STK32B: variants seen among roughly 807,000 people sequenced by gnomAD.
The protein encoded by STK32B is serine/threonine-protein kinase 32B.
A neutral mutation model predicts 52.6 loss-of-function variants in STK32B; 43 were observed. That is an observed-to-expected ratio of 0.82 (90% CI 0.64 to 1.05). The LOEUF (loss-of-function observed/expected upper bound fraction) is 1.05, where lower values mean the gene tolerates loss of function less well. Ranked by LOEUF, STK32B falls within the 50% of genes least tolerant of loss-of-function variation. STK32B has a pLI of 0.00. For synonymous variants in STK32B, 238 were observed against 204.3 expected, an observed-to-expected ratio of 1.17 and a Z score of -1.41; for missense variants, 621 against 534.6, an observed-to-expected ratio of 1.16 and a Z score of -1.59.
At chr4:5,253,041 A>T (rs1308541614) in intron 3 of STK32B, among the ~76,000 whole-genome samples, 2 of 152,106 alleles carry the variant, frequency 1.3e-5, no homozygotes, top group East Asian at 3.9e-4. Flanking sequence ...GCCCCAAAAG[A>T]TCTATTAAAA....
chr4:5,372,723 G>A (rs112509438), intron 4 of STK32B, among the ~76,000 whole-genome samples: 1,698 of 150,222 alleles, frequency 0.011, 23 homozygotes, highest in African/African-American at 0.014. Flanking sequence ...AGAAAGTTGG[G>A]GGGGGGGGCG....
At chr4:5,237,622 T>G (rs1452182659) in intron 3 of STK32B, among the ~76,000 whole-genome samples, 1 of 152,198 alleles carries the variant, frequency 6.6e-6, no homozygotes, top group Non-Finnish European at 1.5e-5. Flanking sequence ...AATGGAAATC[T>G]GTGCAGGAAA....
intron 1 of STK32B, among the ~76,000 whole-genome samples, chr4:5,076,496 A>G (rs973728840): frequency 6.6e-6 from 1 of 152,180 alleles, no homozygotes; most frequent in African/African-American, 2.4e-5. Flanking sequence ...ATTACTAGAC[A>G]AAAGCATAGG....
At chr4:5,149,526 T>C (rs534549648) in intron 2 of STK32B, among the ~76,000 whole-genome samples, 1 of 152,008 alleles carries the variant, frequency 6.6e-6, no homozygotes, top group South Asian at 2.1e-4. Context: ...CTCTAAAGGA[T>C]TATACTATAC....
At chr4:5,495,246 C>G (rs1313646346) in intron 11 of STK32B, among the ~76,000 whole-genome samples, 2 of 152,134 alleles carry the variant, frequency 1.3e-5, no homozygotes, top group African/African-American at 4.8e-5. Flanking sequence ...TTCACATAGT[C>G]CCATATTTCT....
At chr4:5,127,335 C>G (rs1203170061) in intron 1 of STK32B, among the ~76,000 whole-genome samples, 2 of 152,126 alleles carry the variant, frequency 1.3e-5, no homozygotes, top group African/African-American at 4.8e-5. Context: ...GTGTGAGGGT[C>G]TGATAACCAG....
chr4:5,050,817 C>T (rs182199030), upstream of STK32B, among the ~76,000 whole-genome samples: 775 of 152,282 alleles, frequency 5.1e-3, 14 homozygotes, highest in Non-Finnish European at 4.0e-3. Flanking sequence ...GCTCCCGCCG[C>T]AGGAGCCCAG....
At chr4:5,166,346 G>A (rs1396713934) in intron 2 of STK32B, among the ~76,000 whole-genome samples, 1 of 151,472 alleles carries the variant, frequency 6.6e-6, no homozygotes, top group Admixed American at 6.6e-5. Context: ...CTGTGAAGCG[G>A]GGATAGTAAT....
rs986109196 is a variant in STK32B at position 5,399,533 on chromosome 4, C to A, written c.472+1289C>A. 6.6e-6 allele frequency among the ~76,000 whole-genome samples: 1 copy of A among 152,172 alleles called. No individual in the cohort carries two copies. The highest frequency in any genetic ancestry group is 2.4e-5 in the African/African-American group (1 of 41,446). ...ACTGTGCTCCTGAATGGAAGGTCAG[C>A]AGCAGCCCCAAGATGCCTGGGGCAT... On this transcript the variant is annotated intron_variant, in intron 5 of 11. Coordinates refer to ENST00000282908, the MANE Select transcript of STK32B (RefSeq NM_018401.3). The surrounding 1 kb of genome is among the most constrained non-coding windows in gnomAD (Gnocchi z 5.4).
intron 6 of STK32B, chr4:5,426,940 A>G (rs1025038288): frequency 6.6e-6 from 1 of 152,328 alleles, no homozygotes; most frequent in Non-Finnish European, 1.5e-5. Context: ...ATCTGTTACC[A>G]CTTGTGATCA....
intron 1 of STK32B, among the ~76,000 whole-genome samples, chr4:5,067,916 C>T (rs1467316939): frequency 6.6e-6 from 1 of 152,128 alleles, no homozygotes; most frequent in Non-Finnish European, 1.5e-5. Context: ...AACCAGATCT[C>T]ATGAGAACTC....
At chr4:5,224,979 G>A (rs767409637) in intron 3 of STK32B, among the ~76,000 whole-genome samples, 4 of 152,074 alleles carry the variant, frequency 2.6e-5, no homozygotes, top group Non-Finnish European at 4.4e-5. Context: ...AGTGTTCTCG[G>A]TCATTCATGC....
intron 3 of STK32B, among the ~76,000 whole-genome samples, chr4:5,308,722 T>C (rs942694771): frequency 2.0e-5 from 3 of 152,136 alleles, no homozygotes; most frequent in African/African-American, 7.2e-5. Context: ...CAGTGAATAT[T>C]TGTTTAATAA....
chr4:5,457,709 ATACAAAAGTAGCCACC>A (rs1176988771), intron 8 of STK32B, among the ~76,000 whole-genome samples: 5 of 151,520 alleles, frequency 3.3e-5, no homozygotes, highest in Admixed American at 2.0e-4. Flanking sequence ...CTCTCTAAAA[ATACAAAAGTAGCCACC>A]TACAAAAGTA....
intron 1 of STK32B, among the ~76,000 whole-genome samples, chr4:5,054,377 C>T (rs532566085): frequency 1.6e-4 from 25 of 151,904 alleles, no homozygotes; most frequent in Non-Finnish European, 2.9e-4. Flanking sequence ...AAGGCCTCCT[C>T]TTTTAGACTG....
intron 4 of STK32B, among the ~76,000 whole-genome samples, chr4:5,351,452 A>G (rs948908285): frequency 4.6e-5 from 7 of 152,108 alleles, no homozygotes; most frequent in African/African-American, 1.7e-4. Context: ...CGAATGGGAT[A>G]CAGAAAAAGC....
At chr4:5,223,146 G>T (rs78046901) in intron 3 of STK32B, among the ~76,000 whole-genome samples, 4,297 of 152,304 alleles carry the variant, frequency 0.028, 181 homozygotes, top group African/African-American at 0.096. Flanking sequence ...CTTCCCAGGA[G>T]GGTGCAGATG....
At chr4:5,297,651 T>C (rs1300701590) in intron 3 of STK32B, among the ~76,000 whole-genome samples, 34 of 144,924 alleles carry the variant, frequency 2.3e-4, no homozygotes, top group African/African-American at 8.5e-4. Flanking sequence ...TTTTTTTTTT[T>C]TAACTGGTTA....
At chr4:5,390,465 T>C (rs1273808729) in intron 4 of STK32B, among the ~76,000 whole-genome samples, 2 of 152,178 alleles carry the variant, frequency 1.3e-5, no homozygotes, top group Non-Finnish European at 2.9e-5. Context: ...GGAGGCCGTG[T>C]TCAGCCCTTA....
Sources: gnomAD v4.1 joint callset for allele counts (sites outside exome capture counted in the v4.1 genomes callset) on GRCh38, gnomAD v4.1.1 for gene constraint, Gnocchi (gnomAD v3.1) non-coding constraint, MANE v1.5 for transcripts, NCBI Gene and HGNC (gene_info 2026-07-23, HGNC 2026-07-21) for gene names.